Variants in COPS7B observed in about 807,000 individuals in gnomAD.
The protein encoded by COPS7B is COP9 signalosome subunit 7B, also known as COP9 signalosome complex subunit 7b.
A neutral mutation model predicts 33.4 loss-of-function variants in COPS7B; 9 were observed. The ratio of observed to expected loss-of-function variants is 0.27; its 90% CI spans 0.16 to 0.47. The LOEUF is 0.47. Ranked by LOEUF, COPS7B falls within the 20% of genes least tolerant of loss-of-function variation. The pLI, the probability that COPS7B is intolerant of heterozygous loss-of-function variation, is 0.99. For missense variants in COPS7B, 242 were observed against 318.2 expected (o/e 0.76, Z 1.82); for synonymous variants, 119 against 126.3 (o/e 0.94, Z 0.39).
chr2:231,786,798 G>A (rs1458989653), intron 1 of COPS7B, among the ~76,000 whole-genome samples: 1 of 152,116 alleles, frequency 6.6e-6, no homozygotes, highest in Admixed American at 6.5e-5. Flanking sequence ...AAGGCTGCTC[G>A]TTTGCCCCTC....
upstream of COPS7B, among the ~76,000 whole-genome samples, chr2:231,783,172 T>G (rs2049169141): frequency 6.6e-6 from 1 of 152,268 alleles, no homozygotes. Context: ...ATACCACAAT[T>G]TATCTTTTCC....
intron 4 of COPS7B, among the ~76,000 whole-genome samples, chr2:231,795,270 C>T (rs1256856461): frequency 1.3e-5 from 2 of 152,130 alleles, no homozygotes; most frequent in Non-Finnish European, 2.9e-5. Flanking sequence ...ACCATGTTGC[C>T]TAGGCTGGTC....
chr2:231,791,641 A>G (rs935665429), intron 2 of COPS7B, 92 bp from the exon 3 acceptor site: 39 of 1,049,338 alleles, frequency 3.7e-5, no homozygotes, highest in Middle Eastern at 2.6e-4. Flanking sequence ...CAGCCATGGC[A>G]TCTTTGACAC....
chr2:231,788,692 A>G lies in COPS7B; in HGVS notation c.122A>G (p.Tyr41Cys). The stretch of plus-strand genomic sequence containing the variant: ...CAGGTCTTAGAGGCTCCCGGAGTGT[A>G]TGTCTTTGGAGAACTTCTGGAGCTG... Reference protein sequence around the residue: ...ISQVLEAPGVYVFGELLELAN... With the variant: ...ISQVLEAPGVCVFGELLELAN... Residue 41 changes from tyrosine to cysteine, a missense_variant, in exon 2 of 7, where the codon TAT becomes TGT. Coordinates refer to ENST00000350033, the MANE Select transcript of COPS7B (RefSeq NM_022730.4). The G allele has an allele frequency of 6.2e-7, 1 of 1,614,184 alleles. No homozygotes were observed. Among genetic ancestry groups the G allele is most frequent in the Non-Finnish European group, 8.5e-7 (1 of 1,180,026 alleles).
rs2049939490 is a variant in COPS7B at position 231,807,792 on chromosome 2, C to G, written c.*147C>G. 2.9e-6 allele frequency: 2 copies of G among 686,040 alleles called. No individual in the cohort carries two copies. The highest frequency in any genetic ancestry group is 1.8e-5 in the African/African-American group (1 of 54,630). The allele number at this position is 686,040 out of a possible 1,614,324, so 42.5% of individuals were successfully genotyped here. ...CCTCCCCACCCTGTTGGTACTGTTC[C>G]AGAAAAACTGTTACTCCCCCTCACC... On this transcript the variant is annotated 3_prime_UTR_variant, in exon 7 of 7. Transcript: ENST00000350033.
upstream of COPS7B, among the ~76,000 whole-genome samples, chr2:231,784,702 A>T (rs757632445): frequency 9.9e-5 from 15 of 152,074 alleles, no homozygotes; most frequent in Non-Finnish European, 1.9e-4. Flanking sequence ...CCTGGGTGTT[A>T]TGCTCCCTCC....
rs753170162 is a variant in COPS7B at position 231,807,614 on chromosome 2, A to G, written c.764A>G (p.Lys255Arg). 6.4e-7 allele frequency: 1 copy of G among 1,564,640 alleles called. No individual in the cohort carries two copies. The highest frequency in any genetic ancestry group is 1.2e-5 in the South Asian group (1 of 84,882). ...EQRQPTKKMSKVKGLVSSRH is the reference protein window; with the variant it reads ...EQRQPTKKMSRVKGLVSSRH Reference sequence around the variant, plus strand: ...AGGCAGCCCACCAAGAAGATGTCCAAAGTGAAAGGTCTGGTCTCCAGCCGC... The same window carrying G: ...AGGCAGCCCACCAAGAAGATGTCCAGAGTGAAAGGTCTGGTCTCCAGCCGC... Residue 255 changes from lysine to arginine, a missense_variant, in exon 7 of 7, where the codon AAA (lysine) becomes AGA (arginine). Transcript: ENST00000350033.
At chr2:231,795,031 T>C (rs1332318851) in intron 4 of COPS7B, among the ~76,000 whole-genome samples, 1 of 151,814 alleles carries the variant, frequency 6.6e-6, no homozygotes, top group Non-Finnish European at 1.5e-5. Context: ...GTGATTCTCC[T>C]GCCTCAGCCT....
rs1163276499 is a variant in COPS7B at position 231,796,206 on chromosome 2, G to T, written c.428G>T (p.Gly143Val). 1.2e-6 allele frequency: 2 copies of T among 1,614,140 alleles called. No individual in the cohort carries two copies. The highest frequency in any genetic ancestry group is 1.7e-6 in the Non-Finnish European group (2 of 1,179,982). The change falls in exon 5 of 7, where the codon GGC becomes GTC. Residue 143 changes from glycine (G) to valine (V), a missense_variant. Coordinates refer to ENST00000350033, the MANE Select transcript of COPS7B (RefSeq NM_022730.4). ...GCTGTCTACACTGACATCATCCAGG[G>T]CAAGCTGGACCAGCGAAACCAGCTG... is the stretch of plus-strand genomic sequence containing the variant. Reference protein sequence around the residue: ...IEAVYTDIIQGKLDQRNQLLE... With the variant: ...IEAVYTDIIQVKLDQRNQLLE...
At chr2:231,804,634 AT>A (rs1174422695) in intron 6 of COPS7B, among the ~76,000 whole-genome samples, 1 of 151,990 alleles carries the variant, frequency 6.6e-6, no homozygotes, top group African/African-American at 2.4e-5. Flanking sequence ...GAAATTAGGA[AT>A]TTTTTTTGGT....
chr2:231,789,000 AAAG>A lies in COPS7B; in HGVS notation c.162+269_162+271del, dbSNP rs1457622397. Reference sequence around the variant, plus strand: ...GTCAAATTGATCCTGATAAATTAGAAAAGTAGTGCTGTAAGCATGGGCTGTTTA... The same window carrying A: ...GTCAAATTGATCCTGATAAATTAGAATAGTGCTGTAAGCATGGGCTGTTTA... On this transcript the variant is annotated intron_variant, in intron 2 of 6. Transcript: ENST00000350033. 53 of 346,430 alleles carry A rather than the reference AAAG, an allele frequency of 1.5e-4. No individual in the cohort carries two copies. The East Asian group carries it at 3.2e-3, about 21-fold the overall frequency. 21.5% of individuals were successfully genotyped at this position (346,430 alleles called of 1,614,324 possible).
At chr2:231,786,322 A>C, upstream of COPS7B, 2 of 482,740 alleles carry the variant, frequency 4.1e-6, no homozygotes, top group Non-Finnish European at 5.4e-6. Context: ...CCACTTCCCC[A>C]CCGGAGGTCG....
chr2:231,805,711 T>A (rs1283149568), intron 6 of COPS7B, among the ~76,000 whole-genome samples: 1 of 152,018 alleles, frequency 6.6e-6, no homozygotes. Flanking sequence ...GGTGCAGACA[T>A]GGCTCACTGT....
chr2:231,788,842 T>A, intron 2 of COPS7B, 110 bp downstream of exon 2: 1 of 967,740 alleles, frequency 1.0e-6, no homozygotes, highest in Non-Finnish European at 1.5e-6. Context: ...TACCCTATTG[T>A]GAGACAGATG....
rs1292161840 is a variant in COPS7B at position 231,788,437 on chromosome 2, G to GT, written c.-16-112dup. ...AGGCATGAGCCACTGCACTTGTCCTGTTTTTTCTTTATCAACACTATAAAA... is the reference window on the plus strand; with the variant it reads ...AGGCATGAGCCACTGCACTTGTCCTGTTTTTTTCTTTATCAACACTATAAAA... On this transcript the variant is annotated intron_variant, in intron 1 of 6. Coordinates refer to ENST00000350033, the MANE Select transcript of COPS7B (RefSeq NM_022730.4). 19 of 993,752 alleles carry GT rather than the reference G, an allele frequency of 1.9e-5. No homozygotes were observed. In the Admixed American group the frequency reaches 3.5e-4, roughly 18 times the overall value. 61.6% of individuals were successfully genotyped at this position (993,752 alleles called of 1,614,324 possible).
At chr2:231,807,444 G>A (rs1441165532) in intron 6 of COPS7B, 43 bp from the exon 7 acceptor site, 3 of 1,546,588 alleles carry the variant, frequency 1.9e-6, no homozygotes, top group South Asian at 1.2e-5. Context: ...GTTTTGGTGA[G>A]CACATACAGG....
intron 6 of COPS7B, among the ~76,000 whole-genome samples, chr2:231,806,019 T>C (rs1052548725): frequency 6.6e-6 from 1 of 151,980 alleles, no homozygotes; most frequent in Non-Finnish European, 1.5e-5. Context: ...ACAGCGTTGA[T>C]TGAGGTTACA....
intron 3 of COPS7B, chr2:231,793,950 C>T (rs987334452): frequency 2.6e-5 from 8 of 310,470 alleles, no homozygotes; most frequent in Non-Finnish European, 3.7e-5. Flanking sequence ...AACAGATGCT[C>T]GATGAAGATA....
chr2:231,795,339 A>G (rs549351334), intron 4 of COPS7B, among the ~76,000 whole-genome samples: 81 of 152,296 alleles, frequency 5.3e-4, no homozygotes, highest in South Asian at 1.9e-3. Flanking sequence ...TTGGGATTAC[A>G]GGTGTGAGCC....
Sources: gnomAD v4.1 joint callset for allele counts (sites outside exome capture counted in the v4.1 genomes callset) on GRCh38, gnomAD v4.1.1 for gene constraint, MANE v1.5 for transcripts, NCBI Gene and HGNC (gene_info 2026-07-23, HGNC 2026-07-21) for gene names.